CFDP1: variants seen among roughly 807,000 people sequenced by gnomAD.
CFDP1 encodes chromatin remodeling protein CFDP1.
A neutral mutation model predicts 40.1 loss-of-function variants in CFDP1; 31 were observed. The observed-to-expected ratio is 0.77, with a 90% confidence interval of 0.58 to 1.04. The LOEUF (loss-of-function observed/expected upper bound fraction) is 1.04, where lower values mean the gene tolerates loss of function less well. CFDP1 is among the 50% of genes least tolerant of loss of function. CFDP1 has a pLI of 0.00. For synonymous variants in CFDP1, 167 were observed against 120.0 expected, an observed-to-expected ratio of 1.39 and a Z score of -2.56; for missense variants, 423 against 343.4, an observed-to-expected ratio of 1.23 and a Z score of -1.83.
At chr16:75,398,845 G>A (rs1291865862) in intron 4 of CFDP1, among the ~76,000 whole-genome samples, 1 of 152,050 alleles carries the variant, frequency 6.6e-6, no homozygotes, top group Admixed American at 6.6e-5. Flanking sequence ...ACGAGGTCAG[G>A]AGATTGAGAC....
chr16:75,386,513 T>A (rs1034693204), intron 5 of CFDP1, among the ~76,000 whole-genome samples: 1 of 152,150 alleles, frequency 6.6e-6, no homozygotes, highest in Non-Finnish European at 1.5e-5. Context: ...TTGCTTGAGG[T>A]CAGGAGTTTG....
At position 75,349,690 on chromosome 16, in the gene CFDP1, A is replaced by AATATAT. The variant is rs67126172; in HGVS notation, c.651-44514_651-44509dup. Among the ~76,000 whole-genome samples, 125 of 13,076 alleles carry AATATAT rather than the reference A, an allele frequency of 9.6e-3. 33 individuals carry two copies. The highest frequency in any genetic ancestry group is 0.044 in the East Asian group (8 of 180). 8.6% of individuals were successfully genotyped at this position (13,076 alleles called of 152,430 possible). The stretch of plus-strand genomic sequence containing the variant: ...AAAAAAAAAAAAAAAAAAAAAAAAA[A>AATATAT]ATATATATACATACATATATACGGT... On this transcript the variant is annotated intron_variant, in intron 5 of 6. Coordinates refer to ENST00000283882, the MANE Select transcript of CFDP1 (RefSeq NM_006324.3).
chr16:75,431,256 A>G (rs531597086), intron 1 of CFDP1, among the ~76,000 whole-genome samples: 1 of 151,904 alleles, frequency 6.6e-6, no homozygotes. Context: ...GTTTGAAACA[A>G]GCCTGGCCAA....
chr16:75,326,402 C>T (rs41476349), intron 5 of CFDP1, among the ~76,000 whole-genome samples: 2,039 of 152,312 alleles, frequency 0.013, 43 homozygotes, highest in African/African-American at 0.043. Flanking sequence ...AACTGAACAA[C>T]TCCTCGTCAG....
chr16:75,420,534 T>G (rs896593138), intron 1 of CFDP1, among the ~76,000 whole-genome samples: 4 of 152,172 alleles, frequency 2.6e-5, no homozygotes, highest in African/African-American at 9.7e-5. Context: ...AAGGGGAGTG[T>G]GCTAGATTAA....
intron 5 of CFDP1, among the ~76,000 whole-genome samples, chr16:75,391,991 A>T (rs2078956343): frequency 6.6e-6 from 1 of 152,090 alleles, no homozygotes; most frequent in Admixed American, 6.5e-5. Context: ...ATAAATAAAT[A>T]AATAAATAAA....
intron 5 of CFDP1, among the ~76,000 whole-genome samples, chr16:75,369,816 G>A (rs181242464): frequency 2.0e-5 from 3 of 151,982 alleles, no homozygotes; most frequent in Non-Finnish European, 4.4e-5. Context: ...GCAGTGAAGC[G>A]ATCTTGGCTC....
chr16:75,379,273 A>G (rs2078831934), intron 5 of CFDP1, among the ~76,000 whole-genome samples: 1 of 151,980 alleles, frequency 6.6e-6, no homozygotes, highest in Admixed American at 6.6e-5. Flanking sequence ...GGAAAGATCA[A>G]TGAAACAGAG....
At chr16:75,307,684 G>A (rs1485544443) in intron 5 of CFDP1, among the ~76,000 whole-genome samples, 1 of 152,080 alleles carries the variant, frequency 6.6e-6, no homozygotes, top group Non-Finnish European at 1.5e-5. Context: ...TCAGTCTCCT[G>A]AGGTGCAGAG....
chr16:75,407,918 G>T (rs1418680791), intron 4 of CFDP1, among the ~76,000 whole-genome samples: 1 of 152,030 alleles, frequency 6.6e-6, no homozygotes, highest in Non-Finnish European at 1.5e-5. Context: ...GACCAGCCTA[G>T]GCAAAATGGT....
chr16:75,345,412 G>A (rs992488911), intron 5 of CFDP1, among the ~76,000 whole-genome samples: 10 of 151,984 alleles, frequency 6.6e-5, no homozygotes, highest in Admixed American at 3.9e-4. Context: ...AACCTAGACC[G>A]TACCACTTTA....
chr16:75,397,067 C>G (rs577812989), intron 4 of CFDP1, among the ~76,000 whole-genome samples: 2 of 152,100 alleles, frequency 1.3e-5, no homozygotes, highest in Non-Finnish European at 2.9e-5. Context: ...GTGCCCGCCA[C>G]CACGCCCAGC....
intron 4 of CFDP1, among the ~76,000 whole-genome samples, chr16:75,402,605 C>T (rs1198454274): frequency 1.3e-5 from 2 of 152,190 alleles, no homozygotes; most frequent in Non-Finnish European, 2.9e-5. Flanking sequence ...CAAATTCCTT[C>T]CTGTCATCAC....
intron 1 of CFDP1, among the ~76,000 whole-genome samples, chr16:75,417,946 G>C (rs1368853315): frequency 6.6e-6 from 1 of 151,926 alleles, no homozygotes; most frequent in African/African-American, 2.4e-5. Flanking sequence ...TAAGAGAAAT[G>C]ACACAATTAT....
At chr16:75,432,776 G>T (rs780151870) in intron 1 of CFDP1, among the ~76,000 whole-genome samples, 2 of 152,176 alleles carry the variant, frequency 1.3e-5, no homozygotes, top group African/African-American at 4.8e-5. Context: ...GATCCCTAAG[G>T]AAAGAAAGTT....
intron 1 of CFDP1, among the ~76,000 whole-genome samples, chr16:75,425,204 G>A (rs532680983): frequency 1.8e-4 from 28 of 151,948 alleles, no homozygotes; most frequent in African/African-American, 5.5e-4. Context: ...ATACTTTTTC[G>A]AGAGATGAAC....
intron 4 of CFDP1, among the ~76,000 whole-genome samples, chr16:75,410,100 A>C (rs1299421003): frequency 6.6e-6 from 1 of 150,716 alleles, no homozygotes; most frequent in Non-Finnish European, 1.5e-5. Context: ...AAAACAAAAA[A>C]ACTGATAGTG....
rs931196327 is a variant in CFDP1 at position 75,293,853 on chromosome 16, G to A, written c.*99C>T. 7.3e-6 allele frequency: 7 copies of A among 953,746 alleles called. No individual in the cohort carries two copies. The highest frequency in any genetic ancestry group is 2.2e-4 in the Middle Eastern group (1 of 4,592). 59.1% of individuals were successfully genotyped at this position (953,746 alleles called of 1,614,324 possible). A position where few individuals can be genotyped will look rare whatever the true frequency, so the allele number is the denominator to read the frequency against. ...ATGTAGAAAAAAAAAAGACCTTGCT[G>A]GGAAACAGATGATGAGAAACACTGT... On this transcript the variant is annotated 3_prime_UTR_variant, in exon 7 of 7. Coordinates refer to ENST00000283882, the MANE Select transcript of CFDP1 (RefSeq NM_006324.3).
Position 75,414,577 on chromosome 16 carries a change from C to G in CFDP1, c.182+1G>C. 6.2e-7 allele frequency: 1 copy of G among 1,601,710 alleles called. No individual in the cohort carries two copies. The highest frequency in any genetic ancestry group is 8.6e-7 in the Non-Finnish European group (1 of 1,168,822). ...TCTAAGGGCCTTGAAGGCAGCATCA[C>G]CTGGCTGGAATGCTCTGGGCCTTTC... On this transcript the variant is annotated splice_donor_variant, in intron 2 of 6. Transcript: ENST00000283882. LOFTEE classifies it high-confidence loss of function.
Sources: gnomAD v4.1 joint callset for allele counts (sites outside exome capture counted in the v4.1 genomes callset) on GRCh38, gnomAD v4.1.1 for gene constraint, MANE v1.5 for transcripts, NCBI Gene and HGNC (gene_info 2026-07-23, HGNC 2026-07-21) for gene names.